The following FRAS1 variants were observed in gnomAD, a reference collection of about 807,000 sequenced individuals.
The protein encoded by FRAS1 is extracellular matrix organizing protein FRAS1.
A neutral mutation model predicts 435.2 loss-of-function variants in FRAS1; 290 were observed. That is an observed-to-expected ratio of 0.67 (90% CI 0.61 to 0.73). FRAS1 has a LOEUF of 0.73. FRAS1 is among the 30% of genes least tolerant of loss of function. FRAS1 has a pLI of 0.00. For missense variants in FRAS1, 4,860 were observed against 5,001.5 expected (o/e 0.97, Z 0.85); for synonymous variants, 1,800 against 1,851.0 (o/e 0.97, Z 0.71).
chr4:78,432,082 A>C lies in FRAS1; in HGVS notation c.4970-275A>C, dbSNP rs905997131. ...TAGAGGCAGATTTTAGCTCAATATG[A>C]TTAAGAACTTAAAAACAAACCTAGA... On this transcript the variant is annotated intron_variant, in intron 37 of 73. Coordinates refer to ENST00000512123, the MANE Select transcript of FRAS1 (RefSeq NM_025074.7). 2.0e-5 allele frequency among the ~76,000 whole-genome samples: 3 copies of C among 152,202 alleles called. No homozygotes were observed. The East Asian group carries it at 5.8e-4, about 29-fold the overall frequency.
intron 2 of FRAS1, among the ~76,000 whole-genome samples, chr4:78,231,300 A>G (rs1724510590): frequency 6.6e-6 from 1 of 150,938 alleles, no homozygotes; most frequent in African/African-American, 2.4e-5. Context: ...TAAATTATAT[A>G]TATATATAAA....
chr4:78,394,539 G>A (rs953201381), intron 29 of FRAS1, among the ~76,000 whole-genome samples: 1 of 142,670 alleles, frequency 7.0e-6, no homozygotes, highest in African/African-American at 2.5e-5. Flanking sequence ...TTATTTCTGG[G>A]CTCCTTATTC....
intron 2 of FRAS1, among the ~76,000 whole-genome samples, chr4:78,197,957 T>C (rs939096177): frequency 2.1e-5 from 3 of 145,014 alleles, no homozygotes; most frequent in Non-Finnish European, 3.0e-5. Context: ...AAAAAAAGAG[T>C]GGACTGAATG....
At chr4:78,178,262 A>G (rs1721858980) in intron 2 of FRAS1, among the ~76,000 whole-genome samples, 1 of 151,996 alleles carries the variant, frequency 6.6e-6, no homozygotes, top group South Asian at 2.1e-4. Context: ...ATTTTTATCG[A>G]AAGAATGATT....
chr4:78,355,594 T>C (rs569313784), intron 20 of FRAS1, among the ~76,000 whole-genome samples: 1 of 152,234 alleles, frequency 6.6e-6, no homozygotes, highest in Non-Finnish European at 1.5e-5. Flanking sequence ...CAGATGCAGA[T>C]GCCTTACTGC....
intron 2 of FRAS1, among the ~76,000 whole-genome samples, chr4:78,100,588 G>T (rs545919066): frequency 1.3e-5 from 2 of 152,340 alleles, no homozygotes; most frequent in South Asian, 4.1e-4. Context: ...GACCCATGCA[G>T]CGGCACAGGC....
intron 23 of FRAS1, 95 bp downstream of exon 23, chr4:78,370,079 A>G (rs1731441276): frequency 1.6e-6 from 2 of 1,228,036 alleles, no homozygotes; most frequent in Non-Finnish European, 2.3e-6. Context: ...AACACCAGTC[A>G]TCATATATTT....
chr4:78,306,071 C>T (rs345537), intron 14 of FRAS1, among the ~76,000 whole-genome samples: 6,734 of 152,070 alleles, frequency 0.044, 490 homozygotes, highest in African/African-American at 0.15. Context: ...GTGACAAAAT[C>T]TCTCAGCATT....
chr4:78,434,595 A>G (rs959362271), intron 38 of FRAS1, among the ~76,000 whole-genome samples: 10 of 152,230 alleles, frequency 6.6e-5, no homozygotes, highest in African/African-American at 2.4e-4. Flanking sequence ...AACAAAAGTT[A>G]TGTAACTTCT....
At chr4:78,430,195 C>T in intron 36 of FRAS1, 97 bp from the exon 37 acceptor site, 2 of 1,443,784 alleles carry the variant, frequency 1.4e-6, no homozygotes, top group Non-Finnish European at 1.9e-6. Context: ...AGATTACCCA[C>T]AGCATGACTC....
At chr4:78,323,313 A>G (rs7671142) in intron 18 of FRAS1, among the ~76,000 whole-genome samples, 43,144 of 152,094 alleles carry the variant, frequency 0.28, 6,563 homozygotes, top group Non-Finnish European at 0.33. Context: ...GAGTATTAGC[A>G]AAAAGAATTG....
intron 70 of FRAS1, among the ~76,000 whole-genome samples, chr4:78,531,704 A>C (rs986958369): frequency 1.3e-5 from 2 of 152,186 alleles, no homozygotes; most frequent in African/African-American, 4.8e-5. Flanking sequence ...GAACTTATGC[A>C]AGCTTCTATC....
chr4:78,209,989 G>T (rs1290558440), intron 2 of FRAS1, among the ~76,000 whole-genome samples: 1 of 152,146 alleles, frequency 6.6e-6, no homozygotes, highest in Middle Eastern at 3.2e-3. Context: ...TAGCAGAGTT[G>T]CCTAAGCTCT....
intron 2 of FRAS1, among the ~76,000 whole-genome samples, chr4:78,103,715 A>G (rs1338857057): frequency 6.6e-6 from 1 of 152,198 alleles, no homozygotes; most frequent in Non-Finnish European, 1.5e-5. Flanking sequence ...CCATGTGAGG[A>G]CACAGTGAAA....
At chr4:78,251,485 C>T (rs1228639946) in intron 4 of FRAS1, among the ~76,000 whole-genome samples, 4 of 152,312 alleles carry the variant, frequency 2.6e-5, no homozygotes, top group African/African-American at 9.6e-5. Flanking sequence ...AATTAATTAA[C>T]TCATCCATCA....
rs535925318 is a variant in FRAS1 at position 78,541,050 on chromosome 4, A to C, written c.11965A>C (p.Lys3989Gln). 1.8e-5 allele frequency: 26 copies of C among 1,451,382 alleles called. No individual in the cohort carries two copies. Among genetic ancestry groups the C allele is most frequent in the Non-Finnish European group, 2.4e-5 (26 of 1,096,156 alleles). The allele number at this position is 1,451,382 out of a possible 1,614,324, so 89.9% of individuals were successfully genotyped here. Residue 3989 changes from lysine (K) to glutamine (Q), a missense_variant, in exon 74 of 74, where the codon AAA becomes CAA. By Grantham distance (53) the Lys-to-Gln change is moderately conservative. Coordinates refer to ENST00000512123, the MANE Select transcript of FRAS1 (RefSeq NM_025074.7). The part of the protein sequence containing the change: ...LSEPEAAYTF[K>Q]GAKVKRLNLE... ...TGAGCCTGAGGCGGCTTACACGTTC[A>C]AAGGTGCTAAAGTCAAAAGACTGAA... is the stretch of plus-strand genomic sequence containing the variant.
rs1252995055 is a variant in FRAS1 at position 78,114,264 on chromosome 4, A to T, written c.108+48248A>T. Among the ~76,000 whole-genome samples, 3 of 152,166 alleles carry T rather than the reference A, an allele frequency of 2.0e-5. 1 individual carries two copies. Among genetic ancestry groups the T allele is most frequent in the Non-Finnish European group, 4.4e-5 (3 of 68,030 alleles). ...GTATAGTTTGAAGTCAGGTAGCGTG[A>T]TGCCTCCAGCTTTGTTCTTTTGGCT... is the stretch of plus-strand genomic sequence containing the variant. On this transcript the variant is annotated intron_variant, in intron 2 of 73. Coordinates refer to ENST00000512123, the MANE Select transcript of FRAS1 (RefSeq NM_025074.7).
chr4:78,320,952 G>C (rs1316565881), intron 18 of FRAS1, among the ~76,000 whole-genome samples: 2 of 152,182 alleles, frequency 1.3e-5, no homozygotes, highest in Non-Finnish European at 2.9e-5. Flanking sequence ...CATTGGTACA[G>C]TGCTCCCATG....
chr4:78,089,824 T>C (rs10026071), intron 2 of FRAS1, among the ~76,000 whole-genome samples: 7,920 of 152,194 alleles, frequency 0.052, 271 homozygotes, highest in Admixed American at 0.082. Flanking sequence ...AATCGTGTCA[T>C]GGGAGTTTGT....
Sources: gnomAD v4.1 joint callset for allele counts (sites outside exome capture counted in the v4.1 genomes callset) on GRCh38, gnomAD v4.1.1 for gene constraint, MANE v1.5 for transcripts, NCBI Gene and HGNC (gene_info 2026-07-23, HGNC 2026-07-21) for gene names.